Variants in ZACN observed in about 807,000 individuals in gnomAD.
The protein encoded by ZACN is ligand-gated cation channel ZACN.
A neutral mutation model predicts 38.9 loss-of-function variants in ZACN; 52 were observed. The ratio of observed to expected loss-of-function variants is 1.34; its 90% CI spans 1.07 to 1.68. The LOEUF (loss-of-function observed/expected upper bound fraction) is 1.68, where lower values mean the gene tolerates loss of function less well. Among genes scored for constraint, ZACN ranks in the 40% most tolerant of loss-of-function variants. ZACN has a pLI of 0.00. For missense variants in ZACN, 559 were observed against 525.6 expected, an observed-to-expected ratio of 1.06 and a Z score of -0.62; for synonymous variants, 235 against 227.4, an observed-to-expected ratio of 1.03 and a Z score of -0.30.
rs763953146 is a variant in ZACN at position 76,082,485 on chromosome 17, G to T, written c.1071G>T (p.Gly357=). The part of the protein sequence containing the change: ...PAEEPSRGVK[G]SQRSWPETAD... ...CAGAGCCCTCCAGAGGAGTAAAGGG[G>T]TCACAGAGAAGCTGGCCTGAGACTG... Residue 357 remains glycine, a synonymous_variant, in exon 9 of 9, where the codon GGG becomes GGT. Transcript: ENST00000334586. The T allele has an allele frequency of 6.2e-7, 1 of 1,613,004 alleles. No individual in the cohort carries two copies. Among genetic ancestry groups the T allele is most frequent in the Non-Finnish European group, 8.5e-7 (1 of 1,179,590 alleles).
Position 76,080,388 on chromosome 17 carries a change from A to C in ZACN, c.508A>C (p.Asn170His). ...ELLHFPRDHS[N>H]CSLSFYALSN... ...CCTCCACTTCCCCCGGGACCACAGC[A>C]ACTGCAGCCTCAGCTTCTACGCTCT... The change falls in exon 5 of 9, where the codon AAC (asparagine) becomes CAC (histidine). Residue 170 changes from asparagine (N) to histidine (H), a missense_variant. Asn to His is a moderately conservative substitution (Grantham distance 68). Transcript: ENST00000334586. 2 of 1,614,092 alleles carry C rather than the reference A, an allele frequency of 1.2e-6. No homozygotes were observed. Among genetic ancestry groups the C allele is most frequent in the South Asian group, 2.2e-5 (2 of 91,082 alleles).
At chr17:76,081,200 G>T in intron 5 of ZACN, 78 bp from the exon 6 acceptor site, 1 of 1,584,670 alleles carries the variant, frequency 6.3e-7, no homozygotes, top group Non-Finnish European at 8.6e-7. Context: ...ATCACCCCTG[G>T]GCTCCAGTCT....
chr17:76,081,271 C>CCCTCAGCG lies in ZACN; in HGVS notation c.545-6_546dup, dbSNP rs1239095444. 1 of 1,613,448 alleles carries CCCTCAGCG rather than the reference C, an allele frequency of 6.2e-7. No homozygotes were observed. The highest frequency in any genetic ancestry group is 1.3e-5 in the African/African-American group (1 of 75,036). The stretch of plus-strand genomic sequence containing the variant: ...CCTGGTTCATAGTTCTCATTCCCAC[C>CCCTCAGCG]CCTCAGCGATGGAGTTAGAGTTCCA... On this transcript the variant is annotated splice_region_variant and splice_polypyrimidine_tract_variant and intron_variant, in intron 5 of 8. Transcript: ENST00000334586.
rs146722649 is a variant in ZACN, at chr17:76,081,626, G to C, written c.751G>C (p.Gly251Arg). ...GGCACTGCTGTTGGCTGACGTGTGC[G>C]GGGGGTTGCTGCCCCTCCGGGCCAT... ...AEALLLADVC[G>R]GLLPLRAIER... Residue 251 changes from glycine to arginine, a missense_variant, in exon 7 of 9, where the codon GGG (glycine) becomes CGG (arginine). Transcript: ENST00000334586. 193 of 1,613,940 alleles carry C rather than the reference G, an allele frequency of 1.2e-4. No individual in the cohort carries two copies. Among genetic ancestry groups the C allele is most frequent in the Middle Eastern group, 4.9e-4 (3 of 6,084 alleles).
At chr17:76,082,251 T>G in intron 8 of ZACN, 1 of 774,658 alleles carries the variant, frequency 1.3e-6, no homozygotes, top group Non-Finnish European at 2.0e-6. Flanking sequence ...AAGTCCCAGG[T>G]GACCTCAATC....
At position 76,079,683 on chromosome 17, in the gene ZACN, T is replaced by G. The variant is rs773772239; in HGVS notation, c.223-19T>G. 15 of 1,612,594 alleles carry G rather than the reference T, an allele frequency of 9.3e-6. 1 individual carries two copies. In the Admixed American group the frequency reaches 2.5e-4, roughly 27 times the overall value. ...CAACACAGCGCTCACCCTGAGGTGA[T>G]GCATTGCCCTTCCCCCAGGACATCC... On this transcript the variant is annotated intron_variant, in intron 2 of 8. Transcript: ENST00000334586.
At position 76,081,279 on chromosome 17, in the gene ZACN, G is replaced by T. The variant is rs755903885; in HGVS notation, c.546G>T (p.Ala182=). 1 of 1,613,722 alleles carries T rather than the reference G, an allele frequency of 6.2e-7. No individual in the cohort carries two copies. The highest frequency in any genetic ancestry group is 8.5e-7 in the Non-Finnish European group (1 of 1,179,960). ...ATAGTTCTCATTCCCACCCCTCAGC[G>T]ATGGAGTTAGAGTTCCAGGCCCACG... ...SLSFYALSNT[A]MELEFQAHVV... Residue 182 remains alanine, a splice_region_variant and synonymous_variant, in exon 6 of 9, where the codon GCG becomes GCT. Coordinates refer to ENST00000334586, the MANE Select transcript of ZACN (RefSeq NM_180990.4).
Position 76,081,263 on chromosome 17 carries a change from A to T in ZACN, c.545-15A>T. ...CTCTCCTTCCTGGTTCATAGTTCTC[A>T]TTCCCACCCCTCAGCGATGGAGTTA... On this transcript the variant is annotated splice_polypyrimidine_tract_variant and intron_variant, in intron 5 of 8. Coordinates refer to ENST00000334586, the MANE Select transcript of ZACN (RefSeq NM_180990.4). The T allele has an allele frequency of 6.2e-7, 1 of 1,613,170 alleles. No homozygotes were observed. Among genetic ancestry groups the T allele is most frequent in the Non-Finnish European group, 8.5e-7 (1 of 1,179,852 alleles).
chr17:76,079,306 G>A lies in ZACN; in HGVS notation c.42G>A (p.Gly14=). The part of the protein sequence containing the change: ...LWSLLHLTFL[G]FSITLLLVHG... Reference sequence around the variant, plus strand: ...CCCTGCTCCATCTCACCTTCCTGGGGTTCAGCATTACCTTGCTGTTGGTCC... The same window carrying A: ...CCCTGCTCCATCTCACCTTCCTGGGATTCAGCATTACCTTGCTGTTGGTCC... The change falls in exon 1 of 9, where the codon GGG becomes GGA. Residue 14 remains glycine (G), a synonymous_variant. Transcript: ENST00000334586. 1.2e-6 allele frequency: 2 copies of A among 1,614,086 alleles called. No homozygotes were observed. The highest frequency in any genetic ancestry group is 1.7e-6 in the Non-Finnish European group (2 of 1,179,994).
chr17:76,081,657 G>T lies in ZACN; in HGVS notation c.782G>T (p.Arg261Leu), dbSNP rs201259366. 5 of 1,614,124 alleles carry T rather than the reference G, an allele frequency of 3.1e-6. No individual in the cohort carries two copies. Among genetic ancestry groups the T allele is most frequent in the Non-Finnish European group, 4.2e-6 (5 of 1,180,030 alleles). ...GGLLPLRAIE[R>L]IGYKVTLLLS... ...TTGCTGCCCCTCCGGGCCATTGAGC[G>T]CATAGGCTACAAGGTGACATTGCTG... Residue 261 changes from arginine to leucine, a missense_variant, in exon 7 of 9, where the codon CGC becomes CTC. Arg to Leu is a moderately radical substitution (Grantham distance 102). Transcript: ENST00000334586.
intron 8 of ZACN, 58 bp downstream of exon 8, chr17:76,082,107 G>A: frequency 6.6e-7 from 1 of 1,520,844 alleles, no homozygotes; most frequent in Non-Finnish European, 8.8e-7. Context: ...GGGCTGGGGT[G>A]AGGGCACGGA....
At position 76,079,926 on chromosome 17, in the gene ZACN, A is replaced by T; in HGVS notation, c.306A>T (p.Ala102=). The change falls in exon 4 of 9, where the codon GCA becomes GCT. Residue 102 remains alanine (A), a synonymous_variant. Transcript: ENST00000334586. The part of the protein sequence containing the change: ...LDTRLAWNTS[A]HPRHAITLPW... ...CTCGCCTGGCCTGGAACACTAGTGC[A>T]CACCCGCGGCACGCCATCACGCTGC... 1.2e-6 allele frequency: 2 copies of T among 1,600,594 alleles called. No homozygotes were observed. The highest frequency in any genetic ancestry group is 1.7e-6 in the Non-Finnish European group (2 of 1,173,678).
rs749643638 is a variant in ZACN, at chr17:76,081,318, T to A, written c.585T>A (p.Ile195=). Residue 195 remains isoleucine, a synonymous_variant, in exon 6 of 9, where the codon ATT becomes ATA. Coordinates refer to ENST00000334586, the MANE Select transcript of ZACN (RefSeq NM_180990.4). Reference sequence around the variant, plus strand: ...TCCAGGCCCACGTGGTGAACGAGATTGTGAGTGTCAAGAGGGAATACGTAG... The same window carrying A: ...TCCAGGCCCACGTGGTGAACGAGATAGTGAGTGTCAAGAGGGAATACGTAG... ...LEFQAHVVNE[I]VSVKREYVVY... 1.2e-5 allele frequency: 19 copies of A among 1,613,940 alleles called. No individual in the cohort carries two copies. The highest frequency in any genetic ancestry group is 1.6e-4 in the Middle Eastern group (1 of 6,068).
rs529296856 is a variant in ZACN at position 76,079,995 on chromosome 17, G to A, written c.374+1G>A. ...CACCAAGGCTCACCATCCTGGAGGC[G>A]TAAGTGAGACAGTTCCTGCCCCAGG... On this transcript the variant is annotated splice_donor_variant, in intron 4 of 8. Transcript: ENST00000334586. LOFTEE classifies it high-confidence loss of function. 1.1e-4 allele frequency: 171 copies of A among 1,571,774 alleles called. No individual in the cohort carries two copies. The highest frequency in any genetic ancestry group is 2.9e-4 in the African/African-American group (21 of 73,612).
intron 8 of ZACN, 25 bp from the exon 9 acceptor site, chr17:76,082,438 C>T (rs752471164): frequency 1.9e-6 from 3 of 1,577,440 alleles, no homozygotes; most frequent in African/African-American, 1.4e-5. Flanking sequence ...AAGAACAGCT[C>T]CTTTCCCTGT....
intron 6 of ZACN, 43 bp downstream of exon 6, chr17:76,081,445 C>A: frequency 4.3e-6 from 7 of 1,612,234 alleles, no homozygotes; most frequent in Non-Finnish European, 5.9e-6. Flanking sequence ...CTGCTGGAGG[C>A]GGGTGGGAGT....
Position 76,079,194 on chromosome 17 carries a change from G to A in ZACN, c.-71G>A. 1 of 1,448,708 alleles carries A rather than the reference G, an allele frequency of 6.9e-7. No individual in the cohort carries two copies. The highest frequency in any genetic ancestry group is 1.4e-5 in the South Asian group (1 of 73,800). 89.7% of individuals were successfully genotyped at this position (1,448,708 alleles called of 1,614,324 possible). ...GCTGCCTCTGGCTAATTGCTCAGCT[G>A]CCAGAGAAGTGACTGGAATAGAGGT... On this transcript the variant is annotated 5_prime_UTR_variant, in exon 1 of 9. Transcript: ENST00000334586.
At position 76,079,639 on chromosome 17, in the gene ZACN, G is replaced by T. The variant is rs2066919263; in HGVS notation, c.223-63G>T. 1.9e-6 allele frequency: 3 copies of T among 1,611,372 alleles called. No individual in the cohort carries two copies. In the African/African-American group the frequency reaches 4.0e-5, roughly 22 times the overall value. ...GGACTCAGCCCTGGATAGTGCTGGG[G>T]TCTCCTGCTGCGTTCTTTCAACACA... On this transcript the variant is annotated intron_variant, in intron 2 of 8. Transcript: ENST00000334586.
chr17:76,081,254 A>G, intron 5 of ZACN, 24 bp from the exon 6 acceptor site: 1 of 1,612,554 alleles, frequency 6.2e-7, no homozygotes, highest in Non-Finnish European at 8.5e-7. Flanking sequence ...TTCCTGGTTC[A>G]TAGTTCTCAT....
Sources: allele counts gnomAD v4.1 joint callset, GRCh38; gene constraint gnomAD v4.1.1; transcripts MANE v1.5; gene names NCBI Gene and HGNC (gene_info 2026-07-23, HGNC 2026-07-21).